The following EXOC6 variants were observed in gnomAD, a reference collection of about 807,000 sequenced individuals.
EXOC6 encodes SEC15-like 1.
Under a neutral mutation model 112.5 loss-of-function variants are expected in EXOC6, and 60 were observed. The observed-to-expected ratio is 0.53, with a 90% confidence interval of 0.43 to 0.66. The LOEUF (loss-of-function observed/expected upper bound fraction) is 0.66. EXOC6 is among the 30% of genes least tolerant of loss of function. EXOC6 has a pLI of 0.00. For missense variants in EXOC6, 855 were observed against 957.1 expected, an observed-to-expected ratio of 0.89 and a Z score of 1.41; for synonymous variants, 295 against 308.0, an observed-to-expected ratio of 0.96 and a Z score of 0.44.
At chr10:92,893,299 T>G (rs746888356) in intron 1 of EXOC6, 50 bp from the exon 2 acceptor site, 1 of 1,371,382 alleles carries the variant, frequency 7.3e-7, no homozygotes, top group South Asian at 1.6e-5. Flanking sequence ...AAGATCAGGC[T>G]TACTAAATAA....
chr10:92,968,359 A>AT (rs1404857295), intron 17 of EXOC6, among the ~76,000 whole-genome samples: 1 of 151,758 alleles, frequency 6.6e-6, no homozygotes, highest in Non-Finnish European at 1.5e-5. Context: ...TAAACTTTTT[A>AT]TTTTTTGGTA....
chr10:92,862,618 A>G (rs1330758169), intron 1 of EXOC6, among the ~76,000 whole-genome samples: 1 of 152,168 alleles, frequency 6.6e-6, no homozygotes, highest in African/African-American at 2.4e-5. Context: ...GTTGTCTGTA[A>G]GCTACCCAGT....
chr10:92,940,953 A>G (rs1852632927), intron 13 of EXOC6, 129 bp downstream of exon 13: 2 of 692,556 alleles, frequency 2.9e-6, no homozygotes, highest in South Asian at 3.5e-5. Context: ...AGAATTTACC[A>G]TCTTAGCCAT....
intron 8 of EXOC6, among the ~76,000 whole-genome samples, chr10:92,924,522 T>C (rs1851604120): frequency 2.0e-5 from 3 of 152,324 alleles, no homozygotes; most frequent in African/African-American, 7.2e-5. Flanking sequence ...CTACTTCATA[T>C]TTAAAGTAAA....
intron 17 of EXOC6, among the ~76,000 whole-genome samples, chr10:92,970,605 TTAAA>T (rs1440128159): frequency 1.7e-4 from 26 of 152,230 alleles, no homozygotes; most frequent in Non-Finnish European, 3.4e-4. Context: ...TAACATTAAC[TTAAA>T]TATCTGTTTT....
At chr10:93,020,411 T>C (rs1844732705) in intron 20 of EXOC6, among the ~76,000 whole-genome samples, 1 of 152,030 alleles carries the variant, frequency 6.6e-6, no homozygotes, top group Non-Finnish European at 1.5e-5. Context: ...ATAATAATAA[T>C]AATAAATGTG....
intron 20 of EXOC6, among the ~76,000 whole-genome samples, chr10:93,024,486 C>T (rs1052942213): frequency 1.3e-5 from 2 of 152,128 alleles, no homozygotes; most frequent in Non-Finnish European, 2.9e-5. Context: ...GGCTGCAGTA[C>T]AGTGGCACAG....
intron 8 of EXOC6, among the ~76,000 whole-genome samples, chr10:92,924,605 A>C (rs1400816910): frequency 6.6e-6 from 1 of 152,246 alleles, no homozygotes; most frequent in African/African-American, 2.4e-5. Flanking sequence ...TGGTCATCAT[A>C]TCTAATGAAA....
At chr10:93,045,726 G>A (rs1349352177) in intron 20 of EXOC6, among the ~76,000 whole-genome samples, 1 of 152,196 alleles carries the variant, frequency 6.6e-6, no homozygotes, top group Non-Finnish European at 1.5e-5. Flanking sequence ...GGTATTAGAG[G>A]TCTTTGAGCT....
chr10:93,008,441 C>T (rs1156827519), intron 19 of EXOC6, among the ~76,000 whole-genome samples: 2 of 151,934 alleles, frequency 1.3e-5, no homozygotes, highest in Non-Finnish European at 1.5e-5. Context: ...AACAAAGACA[C>T]CATAATAGGG....
chr10:92,827,905 C>CT (rs1332378209), intron 1 of EXOC6, among the ~76,000 whole-genome samples: 1 of 152,164 alleles, frequency 6.6e-6, no homozygotes, highest in Non-Finnish European at 1.5e-5. Flanking sequence ...CTTAACATTC[C>CT]TTAATGTTTT....
chr10:92,848,439 C>A (rs1356806091), upstream of EXOC6: 3 of 754,464 alleles, frequency 4.0e-6, no homozygotes, highest in Non-Finnish European at 5.0e-6. Context: ...GAGCGCCCCG[C>A]CCCCGCCCCG....
At chr10:92,899,144 A>T (rs1433308284) in intron 4 of EXOC6, among the ~76,000 whole-genome samples, 5 of 152,152 alleles carry the variant, frequency 3.3e-5, no homozygotes, top group Non-Finnish European at 5.9e-5. Flanking sequence ...ACTTTTGTTT[A>T]TAGTGAGTTT....
At chr10:92,975,366 C>G (rs1222747588) in intron 18 of EXOC6, among the ~76,000 whole-genome samples, 1 of 151,232 alleles carries the variant, frequency 6.6e-6, no homozygotes, top group African/African-American at 2.4e-5. Flanking sequence ...GCCCCTCCGC[C>G]CGGCAGCCGC....
intron 7 of EXOC6, among the ~76,000 whole-genome samples, chr10:92,916,854 G>A (rs1188534258): frequency 6.6e-6 from 1 of 152,154 alleles, no homozygotes; most frequent in Non-Finnish European, 1.5e-5. Context: ...TAGGACAATG[G>A]AGTCATCTGA....
intron 1 of EXOC6, among the ~76,000 whole-genome samples, chr10:92,854,216 G>A (rs1405590689): frequency 1.3e-5 from 2 of 152,004 alleles, no homozygotes; most frequent in African/African-American, 2.4e-5. Flanking sequence ...GAGGCAGGTG[G>A]ATCACAAGGT....
chr10:92,997,603 A>G lies in EXOC6; in HGVS notation c.2083A>G (p.Ile695Val). 1.2e-6 allele frequency: 2 copies of G among 1,611,356 alleles called. No homozygotes were observed. Among genetic ancestry groups the G allele is most frequent in the African/African-American group, 2.7e-5 (2 of 74,974 alleles). The change falls in exon 19 of 22, where the codon ATA (isoleucine) becomes GTA (valine). Residue 695 changes from isoleucine (I) to valine (V), a missense_variant. Physicochemically the swap from Ile to Val is conservative, Grantham distance 29. Transcript: ENST00000260762. ...GAVQQFNLDV[I>V]QCELFASSEP... ...TGTTCAGCAGTTTAACTTAGATGTC[A>G]TACAGTGTGAATGTAAGTACTATAT...
Position 92,974,589 on chromosome 10 carries a change from T to TCC in EXOC6, c.1953+358_1953+359insCC, listed in dbSNP as rs1232007728. 3.5e-3 allele frequency among the ~76,000 whole-genome samples: 530 copies of TCC among 150,572 alleles called. 2 individuals carry two copies. Among genetic ancestry groups the TCC allele is most frequent in the African/African-American group, 9.4e-3 (383 of 40,572 alleles). ...TCTCCCCACGGTCTCCCTCTCCCTCTCTTTCCACGTCTCCCTCTGATGCCG... is the reference window on the plus strand; with the variant it reads ...TCTCCCCACGGTCTCCCTCTCCCTCTCCCTTTCCACGTCTCCCTCTGATGCCG... On this transcript the variant is annotated intron_variant, in intron 18 of 21. Transcript: ENST00000260762.
At position 93,014,326 on chromosome 10, in the gene EXOC6, T is replaced by C; in HGVS notation, c.2169+59T>C. The C allele has an allele frequency of 7.0e-6, 5 of 711,444 alleles. No homozygotes were observed. In the Admixed American group the frequency reaches 9.0e-5, roughly 13 times the overall value. The allele number at this position is 711,444 out of a possible 1,614,324, so 44.1% of individuals were successfully genotyped here. On this transcript the variant is annotated intron_variant, in intron 20 of 21. Coordinates refer to ENST00000260762, the MANE Select transcript of EXOC6 (RefSeq NM_019053.6). ...CCTCTAACTCTTGCCCTCCCCTCAC[T>C]TTTTTTTTTTATTAATGCTACAGGA... is the stretch of plus-strand genomic sequence containing the variant.
Sources: allele counts gnomAD v4.1 joint callset (sites outside exome capture counted in the v4.1 genomes callset), GRCh38; gene constraint gnomAD v4.1.1; transcripts MANE v1.5; gene names NCBI Gene and HGNC (gene_info 2026-07-23, HGNC 2026-07-21).